Variants in BICRAL observed in about 807,000 individuals in gnomAD.
BICRAL encodes the protein BICRA like chromatin remodeling complex associated protein.
BICRAL carries 8 observed loss-of-function variants against 91.8 expected under a neutral mutation model. That is an observed-to-expected ratio of 0.09 (90% CI 0.05 to 0.16). BICRAL has a LOEUF of 0.16. Ranked by LOEUF, BICRAL falls within the 10% of genes least tolerant of loss-of-function variation. The pLI, the probability that BICRAL is intolerant of heterozygous loss-of-function variation, is 1.00. For missense variants in BICRAL, 1,038 were observed against 1,310.9 expected, an observed-to-expected ratio of 0.79 and a Z score of 3.21; for synonymous variants, 445 against 491.1, an observed-to-expected ratio of 0.91 and a Z score of 1.24.
intron 1 of BICRAL, among the ~76,000 whole-genome samples, chr6:42,756,597 T>G (rs1299745233): frequency 1.3e-5 from 2 of 152,116 alleles, no homozygotes; most frequent in East Asian, 3.8e-4. Flanking sequence ...ACCTCATGTT[T>G]AGGATGGCCC....
chr6:42,785,513 A>C (rs1361853136), intron 1 of BICRAL, among the ~76,000 whole-genome samples: 1 of 146,602 alleles, frequency 6.8e-6, no homozygotes, highest in Admixed American at 6.9e-5. Flanking sequence ...GTGGCCCGAG[A>C]CCCCACCATT....
chr6:42,784,061 A>G (rs923396455), intron 1 of BICRAL, among the ~76,000 whole-genome samples: 7 of 152,202 alleles, frequency 4.6e-5, no homozygotes, highest in Non-Finnish European at 8.8e-5. Flanking sequence ...TTTACTCTAA[A>G]ACAACCCTGA....
intron 1 of BICRAL, among the ~76,000 whole-genome samples, chr6:42,795,881 T>C (rs950790555): frequency 2.6e-5 from 4 of 152,220 alleles, no homozygotes; most frequent in African/African-American, 9.6e-5. Context: ...ATTTATTAAA[T>C]GCTAAATTGG....
rs939620076 is a variant in BICRAL, at chr6:42,769,213, A to G, written c.-260-12626A>G. Reference sequence around the variant, plus strand: ...TACTGTGAAGGGTAGGCTGGGGATGATCTGTTTCCAAGCTCACCCGTGAGG... The same window carrying G: ...TACTGTGAAGGGTAGGCTGGGGATGGTCTGTTTCCAAGCTCACCCGTGAGG... On this transcript the variant is annotated intron_variant, in intron 1 of 14. Transcript: ENST00000614467. Among the ~76,000 whole-genome samples, 28 of 152,276 alleles carry G rather than the reference A, an allele frequency of 1.8e-4. 1 individual carries two copies. Among genetic ancestry groups the G allele is most frequent in the African/African-American group, 6.3e-4 (26 of 41,576 alleles).
At chr6:42,859,599 G>T (rs1400099031) in intron 10 of BICRAL, among the ~76,000 whole-genome samples, 5 of 151,888 alleles carry the variant, frequency 3.3e-5, no homozygotes, top group African/African-American at 9.7e-5. Flanking sequence ...ATACCATTAG[G>T]CTTAGGTCAT....
At chr6:42,784,291 T>G (rs955387165) in intron 1 of BICRAL, among the ~76,000 whole-genome samples, 6 of 152,200 alleles carry the variant, frequency 3.9e-5, no homozygotes, top group African/African-American at 1.4e-4. Context: ...GTTGGTAGTA[T>G]CTATTAGAGA....
intron 9 of BICRAL, among the ~76,000 whole-genome samples, chr6:42,856,414 G>A (rs1161464303): frequency 2.6e-4 from 28 of 105,756 alleles, no homozygotes; most frequent in Admixed American, 1.3e-3. Flanking sequence ...TTGCTCTGTC[G>A]TCCAGGCTGG....
At chr6:42,756,509 C>G (rs923455188) in intron 1 of BICRAL, among the ~76,000 whole-genome samples, 1 of 152,182 alleles carries the variant, frequency 6.6e-6, no homozygotes, top group East Asian at 1.9e-4. Context: ...GCTCCTCCCT[C>G]TGCCTCTCTC....
At chr6:42,844,606 G>A (rs943798617) in intron 6 of BICRAL, among the ~76,000 whole-genome samples, 4 of 151,052 alleles carry the variant, frequency 2.6e-5, no homozygotes, top group African/African-American at 4.9e-5. Flanking sequence ...GGTAAGGAGT[G>A]GGCGTTCTGA....
intron 11 of BICRAL, among the ~76,000 whole-genome samples, chr6:42,861,018 C>T (rs1435633657): frequency 6.6e-6 from 1 of 151,996 alleles, no homozygotes; most frequent in Non-Finnish European, 1.5e-5. Flanking sequence ...CCCAGCTACT[C>T]GGGAGGCTGA....
intron 1 of BICRAL, among the ~76,000 whole-genome samples, chr6:42,792,434 A>ATTT (rs534995773): frequency 7.6e-5 from 11 of 144,156 alleles, no homozygotes; most frequent in African/African-American, 1.8e-4. Flanking sequence ...TGCCCAGCTA[A>ATTT]TTTTTTTTTT....
chr6:42,821,961 A>G, intron 2 of BICRAL, 57 bp from the exon 3 acceptor site: 1 of 1,035,972 alleles, frequency 9.7e-7, no homozygotes, highest in South Asian at 1.3e-5. Context: ...TTGCATTGAT[A>G]CTACTGTCTT....
At chr6:42,804,257 G>A (rs918760519) in intron 1 of BICRAL, among the ~76,000 whole-genome samples, 1 of 152,172 alleles carries the variant, frequency 6.6e-6, no homozygotes, top group Non-Finnish European at 1.5e-5. Context: ...CCTGACCTCA[G>A]GTGAACCGCC....
At position 42,865,526 on chromosome 6, in the gene BICRAL, A is replaced by G. The variant is rs955232070; in HGVS notation, c.*80A>G. The G allele has an allele frequency of 7.2e-6, 5 of 695,970 alleles. No homozygotes were observed. The highest frequency in any genetic ancestry group is 2.0e-5 in the African/African-American group (1 of 49,306). The allele number at this position is 695,970 out of a possible 1,614,324, so 43.1% of individuals were successfully genotyped here. ...CGGACCAGTTACATTCGTTCCTGGC[A>G]AAAGCAAATGGAAATGGTCTCCTGT... is the stretch of plus-strand genomic sequence containing the variant. On this transcript the variant is annotated 3_prime_UTR_variant, in exon 13 of 13. Transcript: ENST00000314073.
rs139016952 is a variant in BICRAL at position 42,767,400 on chromosome 6, T to A, written c.-260-14439T>A. 6.6e-5 allele frequency among the ~76,000 whole-genome samples: 10 copies of A among 152,316 alleles called. No individual in the cohort carries two copies. In the East Asian group the frequency reaches 1.7e-3, roughly 26 times the overall value. On this transcript the variant is annotated intron_variant, in intron 1 of 14. Transcript: ENST00000614467. ...CTGAGATTCATTCATTGCCTCACCA[T>A]GGATGCCACCATGAGTCTAACTCTG...
chr6:42,803,226 G>A (rs777924400), intron 1 of BICRAL, among the ~76,000 whole-genome samples: 1 of 152,160 alleles, frequency 6.6e-6, no homozygotes, highest in Non-Finnish European at 1.5e-5. Flanking sequence ...TTTATAAGGA[G>A]GTTTGTTAAA....
At chr6:42,848,868 G>A (rs1033223724) in intron 6 of BICRAL, among the ~76,000 whole-genome samples, 2 of 152,090 alleles carry the variant, frequency 1.3e-5, no homozygotes, top group African/African-American at 2.4e-5. Context: ...AGGTACTCAC[G>A]GCTGGGCTTG....
intron 1 of BICRAL, among the ~76,000 whole-genome samples, chr6:42,809,854 C>G (rs768129991): frequency 1.1e-4 from 16 of 151,556 alleles, no homozygotes; most frequent in South Asian, 6.3e-4. Flanking sequence ...TGGCATGATC[C>G]TACCTCACTG....
upstream of BICRAL, among the ~76,000 whole-genome samples, chr6:42,777,431 C>G (rs1007156626): frequency 3.3e-5 from 5 of 152,192 alleles, no homozygotes; most frequent in Non-Finnish European, 5.9e-5. Context: ...AGCCAGTACA[C>G]TTAAACCTCA....
Sources: gnomAD v4.1 joint callset for allele counts (sites outside exome capture counted in the v4.1 genomes callset) on GRCh38, gnomAD v4.1.1 for gene constraint, MANE v1.5 for transcripts, NCBI Gene and HGNC (gene_info 2026-07-23, HGNC 2026-07-21) for gene names.